EDIL3: variants seen among roughly 807,000 people sequenced by gnomAD.
The protein encoded by EDIL3 is EGF like and discoidin domains 3, also known as EGF-like repeat and discoidin I-like domain-containing protein 3.
Under a neutral mutation model 67.4 loss-of-function variants are expected in EDIL3, and 37 were observed. The observed-to-expected ratio is 0.55, with a 90% CI of 0.42 to 0.72. The LOEUF (loss-of-function observed/expected upper bound fraction) is 0.72. Among genes scored for constraint, EDIL3 ranks in the 30% least tolerant of loss-of-function variants. EDIL3 has a pLI of 0.00. For missense variants in EDIL3, 527 were observed against 586.3 expected (o/e 0.90, Z 1.04); for synonymous variants, 195 against 196.3 (o/e 0.99, Z 0.05).
chr5:84,295,887 AG>A (rs1746043045), intron 1 of EDIL3, among the ~76,000 whole-genome samples: 1 of 152,174 alleles, frequency 6.6e-6, no homozygotes, highest in African/African-American at 2.4e-5. Context: ...TCATATAGGA[AG>A]GAAATTATAG....
At chr5:84,064,580 A>G in intron 8 of EDIL3, 120 bp downstream of exon 8, 3 of 1,309,146 alleles carry the variant, frequency 2.3e-6, no homozygotes, top group Non-Finnish European at 3.1e-6. Flanking sequence ...TGTTGTAGAC[A>G]TTTTTCCCCA....
At chr5:84,154,551 T>G (rs2112333106) in intron 4 of EDIL3, among the ~76,000 whole-genome samples, 1 of 152,048 alleles carries the variant, frequency 6.6e-6, no homozygotes, top group Non-Finnish European at 1.5e-5. Context: ...TGCTTCATAT[T>G]TATAGTTTTT....
intron 1 of EDIL3, among the ~76,000 whole-genome samples, chr5:84,342,933 CTT>C (rs1378600035): frequency 6.6e-6 from 1 of 152,030 alleles, no homozygotes; most frequent in African/African-American, 2.4e-5. Flanking sequence ...ATTGTTTCCA[CTT>C]TGTTTCAGAG....
intron 6 of EDIL3, among the ~76,000 whole-genome samples, chr5:84,086,963 TC>T (rs1414719491): frequency 3.9e-5 from 6 of 152,010 alleles, no homozygotes; most frequent in Non-Finnish European, 7.4e-5. Context: ...GTGTGGATAC[TC>T]TCTGTTAAAA....
At chr5:84,233,318 T>C (rs1245202251) in intron 2 of EDIL3, among the ~76,000 whole-genome samples, 1 of 152,228 alleles carries the variant, frequency 6.6e-6, no homozygotes, top group African/African-American at 2.4e-5. Context: ...CCCAGGCTTC[T>C]GCATTTTTTA....
intron 1 of EDIL3, among the ~76,000 whole-genome samples, chr5:84,318,086 G>A (rs1372379320): frequency 6.6e-6 from 1 of 151,952 alleles, no homozygotes; most frequent in Non-Finnish European, 1.5e-5. Flanking sequence ...AAAATACCTA[G>A]GAATACAACT....
intron 1 of EDIL3, among the ~76,000 whole-genome samples, chr5:84,273,068 G>A (rs1349372716): frequency 6.6e-6 from 1 of 152,092 alleles, no homozygotes; most frequent in African/African-American, 2.4e-5. Context: ...TTCATACAAG[G>A]CTAAAAAGAC....
intron 1 of EDIL3, among the ~76,000 whole-genome samples, chr5:84,348,778 T>A (rs971459321): frequency 3.9e-5 from 6 of 152,152 alleles, no homozygotes; most frequent in African/African-American, 1.4e-4. Context: ...ACTGAAGGCA[T>A]AAGTATCATA....
chr5:84,041,567 G>GTA (rs201899474), intron 9 of EDIL3, among the ~76,000 whole-genome samples: 1 of 146,576 alleles, frequency 6.8e-6, no homozygotes, highest in African/African-American at 2.5e-5. Context: ...TACATATATA[G>GTA]TATATATATG....
chr5:84,013,547 C>T (rs556993267), intron 9 of EDIL3, among the ~76,000 whole-genome samples: 5 of 152,222 alleles, frequency 3.3e-5, no homozygotes, highest in East Asian at 1.9e-4. Flanking sequence ...GAAGTCATTT[C>T]GGAGAATATG....
intron 1 of EDIL3, among the ~76,000 whole-genome samples, chr5:84,345,755 C>G (rs1433848744): frequency 2.0e-5 from 3 of 152,026 alleles, no homozygotes; most frequent in African/African-American, 7.2e-5. Context: ...GAAAATTAAC[C>G]AAGCATTTTT....
At chr5:84,152,458 C>T (rs1748413277) in intron 4 of EDIL3, among the ~76,000 whole-genome samples, 1 of 152,122 alleles carries the variant, frequency 6.6e-6, no homozygotes, top group Admixed American at 6.5e-5. Context: ...ATAAATGGTC[C>T]TATTCTGTCA....
Position 84,073,191 on chromosome 5 carries a change from G to A in EDIL3, c.652-6585C>T, listed in dbSNP as rs1041337158. ...TCAATAAATTAGGTATTGATGGGAC[G>A]TATCTCAAAATAATAAGGGCTATCT... On this transcript the variant is annotated intron_variant, in intron 6 of 10. Coordinates refer to ENST00000296591, the MANE Select transcript of EDIL3 (RefSeq NM_005711.5). Among the ~76,000 whole-genome samples the A allele has an allele frequency of 8.6e-4, 131 of 152,166 alleles. 1 individual carries two copies. The highest frequency in any genetic ancestry group is 2.9e-3 in the African/African-American group (121 of 41,522).
intron 1 of EDIL3, among the ~76,000 whole-genome samples, chr5:84,272,612 G>A (rs1745499333): frequency 1.3e-5 from 2 of 152,104 alleles, no homozygotes; most frequent in South Asian, 2.1e-4. Flanking sequence ...AAGTGAGAAA[G>A]TAGTTTAAGA....
rs1174485891 is a variant in EDIL3 at position 84,319,510 on chromosome 5, A to C, written c.67+64798T>G. Among the ~76,000 whole-genome samples the C allele has an allele frequency of 1.3e-4, 9 of 66,898 alleles. 2 individuals are homozygous for C. The highest frequency in any genetic ancestry group is 3.3e-4 in the Non-Finnish European group (9 of 27,028). 43.9% of individuals were successfully genotyped at this position (66,898 alleles called of 152,430 possible). A position where few individuals can be genotyped will look rare whatever the true frequency, so the allele number is the denominator to read the frequency against. On this transcript the variant is annotated intron_variant, in intron 1 of 10. Coordinates refer to ENST00000296591, the MANE Select transcript of EDIL3 (RefSeq NM_005711.5). ...AAAAAACAACAAAAAAAAAAAAAAA[A>C]AAAAAAAAAAAAAGAAATAGGAATG... is the stretch of plus-strand genomic sequence containing the variant.
chr5:83,943,673 CTATT>C, intron 10 of EDIL3, 105 bp from the exon 11 acceptor site: 1 of 1,323,412 alleles, frequency 7.6e-7, no homozygotes, highest in Non-Finnish European at 1.0e-6. Flanking sequence ...TATTTGATAA[CTATT>C]CATTTTCTTT....
At chr5:84,158,039 A>C (rs569299783) in intron 4 of EDIL3, among the ~76,000 whole-genome samples, 81 of 152,248 alleles carry the variant, frequency 5.3e-4, no homozygotes, top group African/African-American at 1.9e-3. Flanking sequence ...AAAGCATTAA[A>C]ATAGCATACA....
At chr5:84,236,342 G>T (rs1408369144) in intron 2 of EDIL3, among the ~76,000 whole-genome samples, 3 of 151,990 alleles carry the variant, frequency 2.0e-5, no homozygotes, top group African/African-American at 7.2e-5. Flanking sequence ...CTTACTTAAA[G>T]GAAGTAGTAA....
chr5:84,108,530 G>A (rs534049214), intron 5 of EDIL3, among the ~76,000 whole-genome samples: 4 of 152,194 alleles, frequency 2.6e-5, no homozygotes, highest in South Asian at 2.1e-4. Context: ...GAAGTCTTAC[G>A]AGCTGCAGAT....
Sources: gnomAD v4.1 joint callset for allele counts (sites outside exome capture counted in the v4.1 genomes callset) on GRCh38, gnomAD v4.1.1 for gene constraint, MANE v1.5 for transcripts, NCBI Gene and HGNC (gene_info 2026-07-23, HGNC 2026-07-21) for gene names.